The following TLE1 variants were observed in gnomAD, a reference collection of about 807,000 sequenced individuals.
TLE1 encodes the protein transducin-like enhancer protein 1.
A neutral mutation model predicts 89.8 loss-of-function variants in TLE1; 21 were observed. That is an observed-to-expected ratio of 0.23 (90% confidence interval 0.17 to 0.34). The LOEUF (loss-of-function observed/expected upper bound fraction) is 0.34, where lower values mean the gene tolerates loss of function less well. Ranked by LOEUF, TLE1 falls within the 10% of genes least tolerant of loss-of-function variation. The pLI, the probability that TLE1 is intolerant of heterozygous loss-of-function variation, is 1.00. For missense variants in TLE1, 795 were observed against 1,031.2 expected, an observed-to-expected ratio of 0.77 and a Z score of 3.14; for synonymous variants, 447 against 407.6, an observed-to-expected ratio of 1.10 and a Z score of -1.16.
In TLE1 at chr9:81,687,794, G is replaced by A. The variant is rs113783637; in HGVS notation, c.25-360C>T. Among the ~76,000 whole-genome samples the A allele has an allele frequency of 4.7e-3, 722 of 152,192 alleles. 6 individuals carry two copies. The highest frequency in any genetic ancestry group is 0.03 in the South Asian group (142 of 4,812). Reference sequence around the variant, plus strand: ...GGCGATAATGACCCCGGGGACCAGAGGAGAAAAACAACTCCTTTACGCTCC... The same window carrying A: ...GGCGATAATGACCCCGGGGACCAGAAGAGAAAAACAACTCCTTTACGCTCC... On this transcript the variant is annotated intron_variant, in intron 1 of 19. Coordinates refer to ENST00000376499, the MANE Select transcript of TLE1 (RefSeq NM_005077.5).
chr9:81,603,612 A>G (rs746282181), intron 14 of TLE1, among the ~76,000 whole-genome samples: 2 of 152,154 alleles, frequency 1.3e-5, no homozygotes, highest in Non-Finnish European at 2.9e-5. Context: ...TTCCCCCAAT[A>G]TATCTATCTC....
chr9:81,680,629 A>ATCAG (rs1833492575), intron 4 of TLE1, among the ~76,000 whole-genome samples: 1 of 152,154 alleles, frequency 6.6e-6, no homozygotes, highest in Non-Finnish European at 1.5e-5. Flanking sequence ...GAGGTGAGAG[A>ATCAG]TCAGTCCTGC....
intron 4 of TLE1, among the ~76,000 whole-genome samples, chr9:81,683,664 C>G (rs1833896359): frequency 6.6e-6 from 1 of 152,168 alleles, no homozygotes. Context: ...AAGGGTCTGT[C>G]AGCATTTCCA....
intron 4 of TLE1, among the ~76,000 whole-genome samples, chr9:81,682,825 A>G (rs1833795000): frequency 6.6e-6 from 1 of 152,166 alleles, no homozygotes; most frequent in South Asian, 2.1e-4. Context: ...GCAGACAGGG[A>G]TCTATAAAGG....
intron 14 of TLE1, among the ~76,000 whole-genome samples, chr9:81,599,402 C>T (rs1034992459): frequency 4.6e-5 from 7 of 152,094 alleles, no homozygotes; most frequent in Admixed American, 4.6e-4. Flanking sequence ...AGACACCTAC[C>T]CCACACATCG....
chr9:81,620,586 T>C (rs1563981362), intron 8 of TLE1, 29 bp from the exon 9 acceptor site: 1 of 1,600,518 alleles, frequency 6.2e-7, no homozygotes. Context: ...AATCAAAGAT[T>C]TCTTCCCAAG....
chr9:81,645,116 T>A (rs562425803), intron 6 of TLE1, among the ~76,000 whole-genome samples: 1 of 151,854 alleles, frequency 6.6e-6, no homozygotes, highest in Non-Finnish European at 1.5e-5. Flanking sequence ...TCCCAGCACT[T>A]TGGGAGGCCA....
At chr9:81,595,687 C>T (rs926785561) in intron 14 of TLE1, among the ~76,000 whole-genome samples, 8 of 151,648 alleles carry the variant, frequency 5.3e-5, no homozygotes, top group African/African-American at 1.2e-4. Context: ...GGTATGGTGG[C>T]GGGCGCTTGT....
chr9:81,647,690 G>A (rs1280393372), intron 6 of TLE1, among the ~76,000 whole-genome samples: 5 of 152,110 alleles, frequency 3.3e-5, no homozygotes, highest in Admixed American at 1.3e-4. Context: ...GAAGGTAGAC[G>A]GTATTACCAT....
intron 6 of TLE1, among the ~76,000 whole-genome samples, chr9:81,636,865 T>C (rs1446715677): frequency 6.6e-6 from 1 of 151,598 alleles, no homozygotes; most frequent in Non-Finnish European, 1.5e-5. Flanking sequence ...AAGCCAGGTG[T>C]GGTGGCGGAT....
chr9:81,610,263 G>A lies in TLE1; in HGVS notation c.1288C>T (p.Pro430Ser). 1.2e-6 allele frequency: 2 copies of A among 1,613,966 alleles called. No individual in the cohort carries two copies. Among genetic ancestry groups the A allele is most frequent in the Non-Finnish European group, 1.7e-6 (2 of 1,179,982 alleles). ...CCTGCCAGGTTTGGAGGAATGGTAG[G>A]TACTCTCATGTGAGGGGGAGGATCA... ...GFDPPPHMRV[P>S]TIPPNLAGIP... Residue 430 changes from proline to serine, a missense_variant, in exon 14 of 20, where the codon CCT (proline) becomes TCT (serine). This residue lies in a region of TLE1 where 468 missense variants were observed against 509.1 expected (regional missense o/e 0.92). Transcript: ENST00000376499.
At chr9:81,607,624 G>T (rs1424972882) in intron 14 of TLE1, among the ~76,000 whole-genome samples, 1 of 152,154 alleles carries the variant, frequency 6.6e-6, no homozygotes, top group Admixed American at 6.5e-5. Flanking sequence ...CAACTTTACT[G>T]GTTTGCCCTT....
intron 4 of TLE1, among the ~76,000 whole-genome samples, chr9:81,668,835 G>T (rs989440253): frequency 6.6e-6 from 1 of 152,082 alleles, no homozygotes; most frequent in Admixed American, 6.6e-5. Flanking sequence ...GAAGATAATG[G>T]AAACAAGAAC....
intron 10 of TLE1, among the ~76,000 whole-genome samples, 196 bp downstream of exon 10, chr9:81,616,450 T>C (rs116399162): frequency 0.02 from 3,020 of 152,340 alleles, 111 homozygotes; most frequent in African/African-American, 0.069. Flanking sequence ...GAAATATCTT[T>C]TTTTAAAGGA....
At chr9:81,675,602 C>T (rs1273652665) in intron 4 of TLE1, among the ~76,000 whole-genome samples, 1 of 152,022 alleles carries the variant, frequency 6.6e-6, no homozygotes, top group African/African-American at 2.4e-5. Context: ...GACTACAGAT[C>T]ACTCTTCCAA....
rs373984023 is a variant in TLE1, at chr9:81,634,262, C to T, written c.412G>A (p.Gly138Arg). ...LQAQHLSHGH[G>R]PPVPLTPHPS... ...TGAGGCGTAAGGGGAACTGGGGGTCCGTGGCCATGAGAAAGATGCTGAGCT... is the reference window on the plus strand; with the variant it reads ...TGAGGCGTAAGGGGAACTGGGGGTCTGTGGCCATGAGAAAGATGCTGAGCT... Residue 138 changes from glycine (G) to arginine (R), a missense_variant, in exon 7 of 20, where the codon GGA becomes AGA. Transcript: ENST00000376499. 6.4e-6 allele frequency: 10 copies of T among 1,555,050 alleles called. No individual in the cohort carries two copies. The East Asian group carries it at 9.3e-5, about 14-fold the overall frequency.
intron 4 of TLE1, among the ~76,000 whole-genome samples, chr9:81,675,725 G>A (rs569681502): frequency 3.4e-4 from 30 of 87,436 alleles, no homozygotes; most frequent in African/African-American, 5.8e-4. Context: ...TTTTTGAGAC[G>A]GAGTCTCGCT....
intron 17 of TLE1, among the ~76,000 whole-genome samples, 186 bp downstream of exon 17, chr9:81,587,495 A>G (rs1358811327): frequency 6.6e-6 from 1 of 152,122 alleles, no homozygotes; most frequent in African/African-American, 2.4e-5. Flanking sequence ...AGTTTTGGGG[A>G]AGGTAGGGGG....
chr9:81,682,085 C>CA (rs960250879), intron 4 of TLE1, among the ~76,000 whole-genome samples: 8 of 150,392 alleles, frequency 5.3e-5, no homozygotes, highest in South Asian at 2.1e-4. Context: ...CTCTCTACTA[C>CA]AAAAAAAAGA....
Sources: gnomAD v4.1 joint callset for allele counts (sites outside exome capture counted in the v4.1 genomes callset) on GRCh38, gnomAD v4.1.1 for gene constraint, gnomAD v4.1.1 regional missense constraint, MANE v1.5 for transcripts, NCBI Gene and HGNC (gene_info 2026-07-23, HGNC 2026-07-21) for gene names.